The following GLIS3 variants were observed in gnomAD, a reference collection of about 807,000 sequenced individuals.
The protein encoded by GLIS3 is GLIS family zinc finger 3.
GLIS3 carries 53 observed loss-of-function variants against 78.6 expected under a neutral mutation model. The ratio of observed to expected loss-of-function variants is 0.67; its 90% confidence interval spans 0.54 to 0.85. The LOEUF (loss-of-function observed/expected upper bound fraction) is 0.85. GLIS3 is among the 40% of genes least tolerant of loss of function. The pLI, the probability that GLIS3 is intolerant of heterozygous loss-of-function variation, is 0.00. For synonymous variants in GLIS3, 684 were observed against 509.9 expected (o/e 1.34, Z -4.60); for missense variants, 1,703 against 1,231.1 (o/e 1.38, Z -5.74).
intron 2 of GLIS3, among the ~76,000 whole-genome samples, chr9:4,332,580 G>C (rs996036032): frequency 6.6e-6 from 1 of 152,236 alleles, no homozygotes; most frequent in Non-Finnish European, 1.5e-5. Flanking sequence ...GAAGACAGCA[G>C]AGCAGACCAG....
chr9:4,074,234 C>G (rs1341312856), intron 4 of GLIS3, among the ~76,000 whole-genome samples: 2 of 152,166 alleles, frequency 1.3e-5, no homozygotes, highest in African/African-American at 2.4e-5. Context: ...GGTGGGTCCC[C>G]AAACCATAGT....
At chr9:4,470,004 A>T in the GLIS3 span, among the ~76,000 whole-genome samples, 1 of 151,766 alleles carries the variant, frequency 6.6e-6, no homozygotes, top group East Asian at 1.9e-4. Flanking sequence ...GAAAATCTAG[A>T]AGAAATGGAT....
rs1443942299 is a variant in GLIS3, at chr9:4,272,017, G to A, written c.388+14021C>T. The stretch of plus-strand genomic sequence containing the variant: ...GAATTAAAGAGAAAATGAGCTCCAG[G>A]CCATCACAGAAGGCCTTGCAGATTG... On this transcript the variant is annotated intron_variant, in intron 2 of 10. Transcript: ENST00000381971. Among the ~76,000 whole-genome samples the A allele has an allele frequency of 4.6e-5, 7 of 152,098 alleles. No homozygotes were observed. The East Asian group carries it at 1.3e-3, about 29-fold the overall frequency.
At chr9:3,848,100 G>A (rs1326218724) in intron 9 of GLIS3, among the ~76,000 whole-genome samples, 1 of 152,168 alleles carries the variant, frequency 6.6e-6, no homozygotes, top group Admixed American at 6.5e-5. Flanking sequence ...TAAGTTCTAA[G>A]CAATACAATT....
At chr9:3,997,277 C>T (rs146398663) in intron 4 of GLIS3, among the ~76,000 whole-genome samples, 7 of 152,106 alleles carry the variant, frequency 4.6e-5, no homozygotes, top group East Asian at 1.9e-4. Flanking sequence ...ACTCAGGAGG[C>T]GGAGGTTGAG....
chr9:4,371,414 G>A, the GLIS3 span, among the ~76,000 whole-genome samples: 2 of 152,198 alleles, frequency 1.3e-5, no homozygotes, highest in Non-Finnish European at 2.9e-5. Flanking sequence ...CCCCATAAGT[G>A]CTAAGCCTTT....
intron 2 of GLIS3, among the ~76,000 whole-genome samples, chr9:4,184,850 G>A (rs879313795): frequency 2.0e-5 from 3 of 151,316 alleles, no homozygotes; most frequent in East Asian, 3.9e-4. Context: ...TCAACATTAC[G>A]TAGCAAAAAA....
chr9:4,386,474 T>C, the GLIS3 span: 3 of 152,192 alleles, frequency 2.0e-5, no homozygotes, highest in Non-Finnish European at 4.4e-5. Context: ...TAATCTTCTC[T>C]GTATCATTCC....
chr9:3,881,159 T>A (rs1053437292), intron 7 of GLIS3, among the ~76,000 whole-genome samples: 6 of 152,196 alleles, frequency 3.9e-5, no homozygotes, highest in African/African-American at 1.4e-4. Context: ...TTGGATTGAC[T>A]GTGGCAATAG....
chr9:3,988,687 C>A (rs899277735), intron 4 of GLIS3, among the ~76,000 whole-genome samples: 1 of 151,928 alleles, frequency 6.6e-6, no homozygotes, highest in Non-Finnish European at 1.5e-5. Flanking sequence ...GGTGCTGGAG[C>A]CATCAAGCAC....
chr9:4,390,809 T>A, the GLIS3 span, among the ~76,000 whole-genome samples: 1 of 152,304 alleles, frequency 6.6e-6, no homozygotes, highest in African/African-American at 2.4e-5. Context: ...TGGACTCCGC[T>A]GGGACAGGGT....
the GLIS3 span, among the ~76,000 whole-genome samples, chr9:4,393,297 A>T: frequency 2.6e-5 from 4 of 152,224 alleles, no homozygotes; most frequent in African/African-American, 9.6e-5. Flanking sequence ...TTATCCCCTA[A>T]GTCATTTGAG....
intron 2 of GLIS3, among the ~76,000 whole-genome samples, chr9:4,313,342 GC>G (rs1423449235): frequency 6.6e-6 from 1 of 152,096 alleles, no homozygotes; most frequent in Non-Finnish European, 1.5e-5. Context: ...TCCCTCTTCA[GC>G]CATTCTGCTC....
chr9:4,353,275 C>T (rs1312795653), upstream of GLIS3, among the ~76,000 whole-genome samples: 4 of 152,276 alleles, frequency 2.6e-5, no homozygotes, highest in Non-Finnish European at 5.9e-5. Flanking sequence ...GTCTGTAGCC[C>T]AGCAACTCCT....
intron 4 of GLIS3, among the ~76,000 whole-genome samples, chr9:4,087,170 A>G (rs1259246421): frequency 6.6e-6 from 1 of 152,228 alleles, no homozygotes; most frequent in Non-Finnish European, 1.5e-5. Context: ...AATATTACTA[A>G]TAAGTAATAA....
At chr9:4,227,949 G>C (rs1352180650) in intron 2 of GLIS3, among the ~76,000 whole-genome samples, 2 of 152,088 alleles carry the variant, frequency 1.3e-5, no homozygotes, top group Non-Finnish European at 2.9e-5. Context: ...AAATTGTTTG[G>C]GATCACATAA....
chr9:4,351,988 T>A (rs890610786), upstream of GLIS3, among the ~76,000 whole-genome samples: 4 of 152,224 alleles, frequency 2.6e-5, no homozygotes, highest in African/African-American at 9.6e-5. Flanking sequence ...TAATAGCTGC[T>A]CTTGGTTAAA....
intron 2 of GLIS3, among the ~76,000 whole-genome samples, chr9:4,328,319 C>A (rs76410465): frequency 2.0e-5 from 3 of 152,182 alleles, no homozygotes; most frequent in Non-Finnish European, 2.9e-5. Flanking sequence ...ACAGCTCCCC[C>A]TGAAGTTCCA....
chr9:4,459,330 G>A, the GLIS3 span, among the ~76,000 whole-genome samples: 2 of 152,300 alleles, frequency 1.3e-5, no homozygotes, highest in Admixed American at 1.3e-4. Flanking sequence ...GGATACAGGA[G>A]GTCTAAAGAC....
Sources: gnomAD v4.1 joint callset for allele counts (sites outside exome capture counted in the v4.1 genomes callset) on GRCh38, gnomAD v4.1.1 for gene constraint, MANE v1.5 for transcripts, NCBI Gene and HGNC (gene_info 2026-07-23, HGNC 2026-07-21) for gene names.